The following CDS1 variants were observed in gnomAD, a reference collection of about 807,000 sequenced individuals.
The protein encoded by CDS1 is CDP-diacylglycerol synthase 1, also known as phosphatidate cytidylyltransferase 1.
In CDS1, 41 loss-of-function variants were observed where a neutral mutation model predicts 62.1. That is an observed-to-expected ratio of 0.66 (90% confidence interval 0.51 to 0.86). The LOEUF (loss-of-function observed/expected upper bound fraction) is 0.86. CDS1 is among the 40% of genes least tolerant of loss of function. The probability of loss-of-function intolerance (pLI) is 0.00; values close to 1 mark genes in which losing one functional copy is unlikely to be tolerated. For missense variants in CDS1, 470 were observed against 550.1 expected (o/e 0.85, Z 1.46); for synonymous variants, 185 against 192.6 (o/e 0.96, Z 0.32).
At chr4:84,629,264 T>A (rs1186100067) in intron 5 of CDS1, among the ~76,000 whole-genome samples, 3 of 152,068 alleles carry the variant, frequency 2.0e-5, no homozygotes, top group African/African-American at 4.8e-5. Context: ...TCTTTTACAA[T>A]GTTTTTCTTT....
rs181209822 is a variant in CDS1 at position 84,641,623 on chromosome 4, A to T, written c.1032+633A>T. 1.8e-3 allele frequency among the ~76,000 whole-genome samples: 272 copies of T among 152,322 alleles called. 1 individual carries two copies. Among genetic ancestry groups the T allele is most frequent in the Non-Finnish European group, 2.3e-3 (157 of 68,022 alleles). ...GATTTTTAGAGGACATTTATTATGG[A>T]CAGAAAGTTGCTGCTTCTACAAATC... On this transcript the variant is annotated intron_variant, in intron 10 of 12. Coordinates refer to ENST00000295887, the MANE Select transcript of CDS1 (RefSeq NM_001263.4).
chr4:84,635,625 GCCTTCCTTCCTTCCTT>G lies in CDS1; in HGVS notation c.810+325_810+340del, dbSNP rs869210567. On this transcript the variant is annotated intron_variant, in intron 8 of 12. Transcript: ENST00000295887. ...TGCCTGCCTGCCTGCCTGCCTGCCT[GCCTTCCTTCCTTCCTT>G]CCTTCCTTCCTTCCTTCCTTCCTTC... 4.8e-3 allele frequency among the ~76,000 whole-genome samples: 256 copies of G among 53,504 alleles called. 5 individuals carry two copies. Among genetic ancestry groups the G allele is most frequent in the African/African-American group, 4.6e-3 (75 of 16,368 alleles). The allele number at this position is 53,504 out of a possible 152,430, so 35.1% of individuals were successfully genotyped here. A position where few individuals can be genotyped will look rare whatever the true frequency, so the allele number is the denominator to read the frequency against.
chr4:84,608,010 A>G (rs1451104420), intron 2 of CDS1, among the ~76,000 whole-genome samples: 6 of 152,112 alleles, frequency 3.9e-5, no homozygotes, highest in African/African-American at 1.4e-4. Flanking sequence ...GTATGGCACA[A>G]TGGGGATGAA....
chr4:84,615,204 A>G (rs1045915473), intron 3 of CDS1, among the ~76,000 whole-genome samples: 5 of 151,444 alleles, frequency 3.3e-5, no homozygotes, highest in South Asian at 2.1e-4. Context: ...TAGCCCCTCA[A>G]TTTCCTCACG....
In CDS1 at chr4:84,591,803, C is replaced by T. The variant is rs3804183; in HGVS notation, c.117+8285C>T. ...TAAAGGAGAAATCAGATGTGTGGTC[C>T]TAAATGTATAAAATCAATTTAAAAC... On this transcript the variant is annotated intron_variant, in intron 1 of 12. Transcript: ENST00000295887. Among the ~76,000 whole-genome samples, 10 of 152,158 alleles carry T rather than the reference C, an allele frequency of 6.6e-5. No individual in the cohort carries two copies. The East Asian group carries it at 1.7e-3, about 26-fold the overall frequency.
chr4:84,627,255 A>G (rs1463893973), intron 5 of CDS1, among the ~76,000 whole-genome samples: 1 of 152,210 alleles, frequency 6.6e-6, no homozygotes, highest in East Asian at 1.9e-4. Context: ...TGACCCCCTC[A>G]TGGAGGTCCA....
At position 84,609,436 on chromosome 4, in the gene CDS1, A is replaced by G. The variant is rs1296385259; in HGVS notation, c.253A>G (p.Asn85Asp). ...TTTACATTTTCTTTGTAGGTGGAAA[A>G]ACTGGTGGATACGTGGAATTCTCAC... ...ALSGLSSRWK[N>D]WWIRGILTLT... Residue 85 changes from asparagine (N) to aspartate (D), a missense_variant, in exon 3 of 13, where the codon AAC becomes GAC. Asn to Asp is a conservative substitution (Grantham distance 23). Coordinates refer to ENST00000295887, the MANE Select transcript of CDS1 (RefSeq NM_001263.4). 2.5e-6 allele frequency: 4 copies of G among 1,602,006 alleles called. No individual in the cohort carries two copies. The East Asian group carries it at 6.7e-5, about 27-fold the overall frequency.
intron 12 of CDS1, among the ~76,000 whole-genome samples, chr4:84,646,597 A>AT (rs974004098): frequency 5.9e-5 from 9 of 152,016 alleles, no homozygotes; most frequent in East Asian, 1.9e-4. Context: ...ACAAATGGAG[A>AT]TTTTTTCACT....
At chr4:84,591,627 A>G (rs1443360080) in intron 1 of CDS1, among the ~76,000 whole-genome samples, 1 of 152,208 alleles carries the variant, frequency 6.6e-6, no homozygotes, top group Non-Finnish European at 1.5e-5. Flanking sequence ...CTTATACTTA[A>G]TATCAATTTT....
intron 5 of CDS1, among the ~76,000 whole-genome samples, chr4:84,627,329 A>G (rs1392062404): frequency 1.3e-5 from 2 of 152,194 alleles, no homozygotes; most frequent in Admixed American, 6.5e-5. Context: ...TAGAAGTCAT[A>G]TTGACATTTA....
chr4:84,594,783 C>G (rs544078439), intron 1 of CDS1, among the ~76,000 whole-genome samples: 2 of 152,120 alleles, frequency 1.3e-5, no homozygotes, highest in Non-Finnish European at 2.9e-5. Flanking sequence ...ATCTATGGGT[C>G]ATTGCTCACT....
chr4:84,592,265 C>T lies in CDS1; in HGVS notation c.117+8747C>T, dbSNP rs184541539. Among the ~76,000 whole-genome samples the T allele has an allele frequency of 1.9e-4, 29 of 151,088 alleles. No homozygotes were observed. In the East Asian group the frequency reaches 4.9e-3, roughly 26 times the overall value. ...TACAAGCTTCGCCTCCCCCGCTCCC[C>T]GTTTCAAGCAACTCTCCCACCTCAG... On this transcript the variant is annotated intron_variant, in intron 1 of 12. Coordinates refer to ENST00000295887, the MANE Select transcript of CDS1 (RefSeq NM_001263.4).
chr4:84,615,256 T>A (rs542804459), intron 3 of CDS1, among the ~76,000 whole-genome samples: 1 of 152,182 alleles, frequency 6.6e-6, no homozygotes, highest in East Asian at 1.9e-4. Context: ...TTCTCTCCTG[T>A]CTTCTTCTCT....
rs1217370991 is a variant in CDS1, at chr4:84,649,447, CAACAG to C, written c.*763_*767del. ...TGTACGGATCCTCCGCATATTATCT[CAACAG>C]AGGACAGTAGCTCAGGAGGCAGCTT... On this transcript the variant is annotated 3_prime_UTR_variant, in exon 13 of 13. Coordinates refer to ENST00000295887, the MANE Select transcript of CDS1 (RefSeq NM_001263.4). The C allele has an allele frequency of 2.0e-5, 3 of 152,402 alleles. No homozygotes were observed. Among genetic ancestry groups the C allele is most frequent in the African/African-American group, 7.2e-5 (3 of 41,466 alleles). The allele number at this position is 152,402 out of a possible 1,614,324, so 9.4% of individuals were successfully genotyped here.
chr4:84,638,541 C>T (rs1443074), intron 8 of CDS1, among the ~76,000 whole-genome samples: 81,991 of 151,898 alleles, frequency 0.54, 22,573 homozygotes, highest in South Asian at 0.71. Context: ...GGAATGAATA[C>T]GTCTCATTCT....
At chr4:84,621,009 G>A (rs1723671252) in intron 5 of CDS1, among the ~76,000 whole-genome samples, 2 of 151,584 alleles carry the variant, frequency 1.3e-5, no homozygotes, top group South Asian at 2.1e-4. Flanking sequence ...GCGGTGAGCC[G>A]AGATCACACC....
intron 9 of CDS1, among the ~76,000 whole-genome samples, chr4:84,639,980 A>G (rs1399890192): frequency 6.6e-6 from 1 of 151,726 alleles, no homozygotes; most frequent in African/African-American, 2.4e-5. Flanking sequence ...ATGAAGCTAA[A>G]TAGTGTAAGA....
At chr4:84,629,357 GAAAA>G (rs1405575771) in intron 5 of CDS1, among the ~76,000 whole-genome samples, 2 of 112,300 alleles carry the variant, frequency 1.8e-5, no homozygotes. Flanking sequence ...AAAATACTCT[GAAAA>G]AAAAAAAAAA....
intron 1 of CDS1, among the ~76,000 whole-genome samples, chr4:84,589,124 A>G (rs1235761665): frequency 2.0e-5 from 3 of 152,214 alleles, no homozygotes; most frequent in South Asian, 4.1e-4. Flanking sequence ...TTTTATTTAC[A>G]GAAGCATTAC....
Sources: allele counts gnomAD v4.1 joint callset (sites outside exome capture counted in the v4.1 genomes callset), GRCh38; gene constraint gnomAD v4.1.1; transcripts MANE v1.5; gene names NCBI Gene and HGNC (gene_info 2026-07-23, HGNC 2026-07-21).